The following RPP21 variants were observed in gnomAD, a reference collection of about 807,000 sequenced individuals.
The protein encoded by RPP21 is ribonuclease P protein subunit p21.
A neutral mutation model predicts 19.0 loss-of-function variants in RPP21; 21 were observed. The observed-to-expected ratio is 1.11, with a 90% CI of 0.78 to 1.59. RPP21 has a LOEUF of 1.59. Ranked by LOEUF, RPP21 falls within the 40% of genes most tolerant of loss-of-function variation. RPP21 has a pLI of 0.00. For synonymous variants in RPP21, 93 were observed against 78.7 expected, an observed-to-expected ratio of 1.18 and a Z score of -0.96; for missense variants, 215 against 200.2, an observed-to-expected ratio of 1.07 and a Z score of -0.45.
At position 30,346,503 on chromosome 6, in the gene RPP21, C is replaced by G. The variant is rs1005979591; in HGVS notation, c.313C>G (p.Pro105Ala). 6.2e-6 allele frequency: 10 copies of G among 1,614,098 alleles called. No homozygotes were observed. Among genetic ancestry groups the G allele is most frequent in the African/African-American group, 1.3e-5 (1 of 74,992 alleles). Residue 105 changes from proline (P) to alanine (A), a missense_variant, in exon 4 of 5, where the codon CCC becomes GCC. Coordinates refer to ENST00000442966, the MANE Select transcript of RPP21 (RefSeq NM_024839.4). This position sits in a 1 kb window ranked among gnomAD's most constrained non-coding sequence, Gnocchi z 4.7. ...GCGCAGCCAACGCTTCCTCAATGATCCCGGGCATTTACTCTGGGGAGACAG... is the reference window on the plus strand; with the variant it reads ...GCGCAGCCAACGCTTCCTCAATGATGCCGGGCATTTACTCTGGGGAGACAG... ...CQRSQRFLND[P>A]GHLLWGDRPE...
At position 30,346,725 on chromosome 6, in the gene RPP21, T is replaced by C. The variant is rs1243188466; in HGVS notation, c.380T>C (p.Leu127Pro). ...CTCATTTACTCAGATTCCAAACCACTACAACCCTTGCCAAACACAGCCCAC... is the reference window on the plus strand; with the variant it reads ...CTCATTTACTCAGATTCCAAACCACCACAACCCTTGCCAAACACAGCCCAC... ...QLGSQADSKP[L>P]QPLPNTAHSI... The change falls in exon 5 of 5, where the codon CTA becomes CCA. Residue 127 changes from leucine to proline, a missense_variant. Transcript: ENST00000442966. The surrounding 1 kb of genome is among the most constrained non-coding windows in gnomAD (Gnocchi z 4.7). 1.2e-6 allele frequency: 2 copies of C among 1,613,472 alleles called. No homozygotes were observed. Among genetic ancestry groups the C allele is most frequent in the Non-Finnish European group, 1.7e-6 (2 of 1,180,018 alleles).
chr6:30,345,684 G>A (rs181866486), intron 3 of RPP21, 111 bp downstream of exon 3: 3 of 1,235,036 alleles, frequency 2.4e-6, no homozygotes, highest in African/African-American at 3.1e-5. Flanking sequence ...GTAGATGGAT[G>A]TTGGGTGTGG....
In RPP21 at chr6:30,346,136, C is replaced by T; in HGVS notation, c.242-296C>T. The T allele has an allele frequency of 2.8e-6, 1 of 356,658 alleles. No homozygotes were observed. The highest frequency in any genetic ancestry group is 4.3e-5 in the Admixed American group (1 of 23,192). The allele number at this position is 356,658 out of a possible 1,614,324, so 22.1% of individuals were successfully genotyped here. A position where few individuals can be genotyped will look rare whatever the true frequency, so the allele number is the denominator to read the frequency against. ...CTCTGAGACAAGAGAGCTTGTGGTG[C>T]TGTCAAAGAAATGAGAGTTCAGGAG... On this transcript the variant is annotated intron_variant, in intron 3 of 4. Transcript: ENST00000442966. This position sits in a 1 kb window ranked among gnomAD's most constrained non-coding sequence, Gnocchi z 4.7.
At position 30,346,192 on chromosome 6, in the gene RPP21, G is replaced by T; in HGVS notation, c.242-240G>T. 1.7e-6 allele frequency: 1 copy of T among 591,834 alleles called. No homozygotes were observed. Among genetic ancestry groups the T allele is most frequent in the Non-Finnish European group, 2.7e-6 (1 of 372,356 alleles). 36.7% of individuals were successfully genotyped at this position (591,834 alleles called of 1,614,324 possible). On this transcript the variant is annotated intron_variant, in intron 3 of 4. Transcript: ENST00000442966. The surrounding 1 kb of genome is among the most constrained non-coding windows in gnomAD (Gnocchi z 4.7). ...AGTTTGAGGTAGGAGGGCAAAACAT[G>T]AGACTGGAGGGGGAAACAGGCCAGT... is the stretch of plus-strand genomic sequence containing the variant.
At chr6:30,345,459 G>A (rs1788026499) in intron 2 of RPP21, 32 bp from the exon 3 acceptor site, 2 of 1,610,838 alleles carry the variant, frequency 1.2e-6, no homozygotes, top group Non-Finnish European at 8.5e-7. Context: ...AGGGAGCGCG[G>A]GCGCCAGACC....
chr6:30,345,257 A>G, intron 1 of RPP21, 29 bp downstream of exon 1: 1 of 1,612,918 alleles, frequency 6.2e-7, no homozygotes, highest in Non-Finnish European at 8.5e-7. Context: ...CCCCACGGGG[A>G]CGGTGCTCGG....
chr6:30,345,633 GT>G, intron 3 of RPP21, 60 bp downstream of exon 3: 2 of 1,371,114 alleles, frequency 1.5e-6, no homozygotes, highest in Non-Finnish European at 1.9e-6. Context: ...GGGGGGCGGG[GT>G]GGGGGGCGGG....
At chr6:30,345,926 T>C (rs1788114249) in intron 3 of RPP21, 1 of 300,696 alleles carries the variant, frequency 3.3e-6, no homozygotes, top group Non-Finnish European at 6.2e-6. Flanking sequence ...CTAAAATGTG[T>C]CAGGTACTGT....
In RPP21 at chr6:30,345,416, C is replaced by G. The variant is rs745843612; in HGVS notation, c.158+18C>G. 6.2e-7 allele frequency: 1 copy of G among 1,611,384 alleles called. No individual in the cohort carries two copies. The highest frequency in any genetic ancestry group is 1.7e-5 in the Admixed American group (1 of 59,914). ...TTGCGGCGGTGAGACAGCCACGGGG[C>G]GGGCGGCGGGCGGGACGCGGGAGGA... On this transcript the variant is annotated intron_variant, in intron 2 of 4. Coordinates refer to ENST00000442966, the MANE Select transcript of RPP21 (RefSeq NM_024839.4).
rs749519178 is a variant in RPP21 at position 30,345,300 on chromosome 6, C to A, written c.60C>A (p.Ala20=). The change falls in exon 2 of 5, where the codon GCC becomes GCA. Residue 20 remains alanine, a splice_region_variant and synonymous_variant. Transcript: ENST00000442966. The part of the protein sequence containing the change: ...AFQRLNFLYQ[A]AHCVLAQDPE... ...GAGTGACTGCTCCCCTCCCGCAGGC[C>A]GCCCATTGTGTCCTTGCCCAGGACC... 4 of 1,613,730 alleles carry A rather than the reference C, an allele frequency of 2.5e-6. No homozygotes were observed. In the South Asian group the frequency reaches 4.4e-5, roughly 18 times the overall value.
intron 3 of RPP21, chr6:30,345,840 C>T: frequency 2.1e-6 from 1 of 479,622 alleles, no homozygotes; most frequent in Non-Finnish European, 3.7e-6. Context: ...CCCACCCATG[C>T]ACAATAATAG....
At chr6:30,345,615 G>A in intron 3 of RPP21, 42 bp downstream of exon 3, 2 of 1,477,374 alleles carry the variant, frequency 1.4e-6, no homozygotes, top group East Asian at 2.5e-5. Context: ...GAGCATTGGG[G>A]GCGCGGAGGG....
rs1788174920 is a variant in RPP21 at position 30,346,567 on chromosome 6, G to A, written c.367+10G>A. ...CTCGGGAGCCAAGCAGGTGAGAGGT[G>A]AGGGAGAAAATGGAGGACACCCCAG... On this transcript the variant is annotated intron_variant, in intron 4 of 4. Transcript: ENST00000442966. This position sits in a 1 kb window ranked among gnomAD's most constrained non-coding sequence, Gnocchi z 4.7. The A allele has an allele frequency of 6.2e-7, 1 of 1,614,132 alleles. No individual in the cohort carries two copies. The highest frequency in any genetic ancestry group is 1.1e-5 in the South Asian group (1 of 91,078).
In RPP21 at chr6:30,345,547, G is replaced by A. The variant is rs1187078964; in HGVS notation, c.215G>A (p.Gly72Asp). Residue 72 changes from glycine to aspartate, a missense_variant, in exon 3 of 5, where the codon GGC becomes GAC. Physicochemically the swap from Gly to Asp is moderately conservative, Grantham distance 94. Coordinates refer to ENST00000442966, the MANE Select transcript of RPP21 (RefSeq NM_024839.4). ...CRGCSSLLVP[G>D]LTCTQRQRRC... ...GGCTGCTCTTCCCTCCTCGTCCCGG[G>A]CCTCACCTGCACCCAGCGCCAGAGA... 2 of 1,527,012 alleles carry A rather than the reference G, an allele frequency of 1.3e-6. No homozygotes were observed. Among genetic ancestry groups the A allele is most frequent in the Non-Finnish European group, 8.9e-7 (1 of 1,129,736 alleles). The allele number at this position is 1,527,012 out of a possible 1,614,324, so 94.6% of individuals were successfully genotyped here.
Position 30,346,283 on chromosome 6 carries a change from T to C in RPP21, c.242-149T>C. 7.5e-7 allele frequency: 1 copy of C among 1,340,504 alleles called. No homozygotes were observed. The highest frequency in any genetic ancestry group is 1.0e-6 in the Non-Finnish European group (1 of 987,718). 83.0% of individuals were successfully genotyped at this position (1,340,504 alleles called of 1,614,324 possible). A position where few individuals can be genotyped will look rare whatever the true frequency, so the allele number is the denominator to read the frequency against. On this transcript the variant is annotated intron_variant, in intron 3 of 4. Transcript: ENST00000442966. The surrounding 1 kb of genome is among the most constrained non-coding windows in gnomAD (Gnocchi z 4.7). ...AGTTCCAGGAAATCGATGGAGCTTA[T>C]GCCGAGGCCTGACACCATCAAATGT...
Position 30,345,421 on chromosome 6 carries a change from GGCGGGCGGGAC to G in RPP21, c.158+29_158+39del, listed in dbSNP as rs147085011. The G allele has an allele frequency of 1.1e-3, 1,748 of 1,611,596 alleles. 28 individuals are homozygous for G. In the African/African-American group the frequency reaches 0.021, roughly 20 times the overall value. ...GCGGTGAGACAGCCACGGGGCGGGC[GGCGGGCGGGAC>G]GCGGGAGGAACGCGAGAGGGAGCGC... On this transcript the variant is annotated intron_variant, in intron 2 of 4. Transcript: ENST00000442966.
In RPP21 at chr6:30,345,245, G is replaced by A. The variant is rs1036034027; in HGVS notation, c.57+17G>A. Reference sequence around the variant, plus strand: ...CTGTACCAGGTGAGTCTGCGACAAGGGCCCCACGGGGACGGTGCTCGGCGT... The same window carrying A: ...CTGTACCAGGTGAGTCTGCGACAAGAGCCCCACGGGGACGGTGCTCGGCGT... On this transcript the variant is annotated intron_variant, in intron 1 of 4. Coordinates refer to ENST00000442966, the MANE Select transcript of RPP21 (RefSeq NM_024839.4). The A allele has an allele frequency of 1.2e-6, 2 of 1,611,772 alleles. No homozygotes were observed. The highest frequency in any genetic ancestry group is 1.1e-5 in the South Asian group (1 of 90,760).
intron 1 of RPP21, 31 bp downstream of exon 1, chr6:30,345,259 G>A: frequency 6.2e-7 from 1 of 1,613,032 alleles, no homozygotes; most frequent in Non-Finnish European, 8.5e-7. Flanking sequence ...CCACGGGGAC[G>A]GTGCTCGGCG....
At position 30,346,126 on chromosome 6, in the gene RPP21, G is replaced by A; in HGVS notation, c.242-306G>A. The stretch of plus-strand genomic sequence containing the variant: ...TGTGTGCAGACTCTGAGACAAGAGA[G>A]CTTGTGGTGCTGTCAAAGAAATGAG... On this transcript the variant is annotated intron_variant, in intron 3 of 4. Transcript: ENST00000442966. This position sits in a 1 kb window ranked among gnomAD's most constrained non-coding sequence, Gnocchi z 4.7. 2.9e-6 allele frequency: 1 copy of A among 345,500 alleles called. No homozygotes were observed. The highest frequency in any genetic ancestry group is 5.3e-6 in the Non-Finnish European group (1 of 189,304). 21.4% of individuals were successfully genotyped at this position (345,500 alleles called of 1,614,324 possible). A position where few individuals can be genotyped will look rare whatever the true frequency, so the allele number is the denominator to read the frequency against.
Sources: allele counts gnomAD v4.1 joint callset, GRCh38; gene constraint gnomAD v4.1.1; non-coding constraint Gnocchi (gnomAD v3.1); transcripts MANE v1.5; gene names NCBI Gene and HGNC (gene_info 2026-07-23, HGNC 2026-07-21).